SNTG2: variants seen among roughly 807,000 people sequenced by gnomAD.
SNTG2 encodes syntrophin gamma 2.
SNTG2 carries 74 observed loss-of-function variants against 70.9 expected under a neutral mutation model. The observed-to-expected ratio is 1.04, with a 90% confidence interval of 0.86 to 1.27. SNTG2 has a LOEUF of 1.27. SNTG2 is among the 50% of genes most tolerant of loss of function. SNTG2 has a pLI of 0.00. For missense variants in SNTG2, 717 were observed against 690.7 expected (o/e 1.04, Z -0.43); for synonymous variants, 278 against 273.8 (o/e 1.02, Z -0.15).
rs6751090 is a variant in SNTG2 at position 1,209,110 on chromosome 2, C to T, written c.599C>T (p.Ser200Leu). The change falls in exon 9 of 17, where the codon TCG (serine) becomes TTG (leucine). Residue 200 changes from serine (S) to leucine (L), a missense_variant. By Grantham distance (145) the Ser-to-Leu change is moderately radical. Coordinates refer to ENST00000308624, the MANE Select transcript of SNTG2 (RefSeq NM_018968.4). ...CTCCTTTCTTCTGTACAGGCCCCAT[C>T]GTCACCTTCCTCGCCCATAGCTAAG... ...LNGNSSTTAP[S>L]SPSSPIAKDP... 143,415 of 1,613,718 alleles carry T rather than the reference C, an allele frequency of 0.089. 11,772 individuals carry two copies. The highest frequency in any genetic ancestry group is 0.42 in the African/African-American group (31,410 of 74,906).
At chr2:1,218,779 C>A (rs1439797599) in intron 9 of SNTG2, among the ~76,000 whole-genome samples, 1 of 152,206 alleles carries the variant, frequency 6.6e-6, no homozygotes, top group African/African-American at 2.4e-5. Flanking sequence ...TCCTGCTTCA[C>A]CCTCTTGGGG....
At chr2:990,884 T>A (rs530211235) in intron 1 of SNTG2, among the ~76,000 whole-genome samples, 1 of 152,066 alleles carries the variant, frequency 6.6e-6, no homozygotes, top group East Asian at 1.9e-4. Context: ...AATGAGAAAA[T>A]TCACCTTTTA....
chr2:1,137,933 A>C, intron 6 of SNTG2, 124 bp downstream of exon 6: 9 of 986,954 alleles, frequency 9.1e-6, no homozygotes, highest in South Asian at 2.9e-5. Flanking sequence ...AAGAAAGCTC[A>C]AAGGTTTAGT....
intron 14 of SNTG2, among the ~76,000 whole-genome samples, chr2:1,283,173 T>G (rs931444336): frequency 3.3e-5 from 5 of 152,080 alleles, no homozygotes; most frequent in African/African-American, 9.7e-5. Context: ...AACTGTGGCC[T>G]CCTGCTACTG....
intron 1 of SNTG2, among the ~76,000 whole-genome samples, chr2:1,015,887 A>T (rs1659877542): frequency 6.6e-6 from 1 of 152,230 alleles, no homozygotes; most frequent in Admixed American, 6.5e-5. Flanking sequence ...GCAAGACAAA[A>T]GACTTGCAGA....
chr2:1,109,122 GC>G (rs1454606379), intron 4 of SNTG2, among the ~76,000 whole-genome samples: 3 of 152,098 alleles, frequency 2.0e-5, no homozygotes, highest in African/African-American at 7.2e-5. Flanking sequence ...GGTATGGAGA[GC>G]TGGATGCACA....
At chr2:1,235,865 G>A (rs895959169) in intron 9 of SNTG2, among the ~76,000 whole-genome samples, 2 of 152,378 alleles carry the variant, frequency 1.3e-5, no homozygotes, top group East Asian at 3.9e-4. Context: ...TTCTTCTAAA[G>A]TCTGTTTTTG....
chr2:1,255,935 A>AATAT (rs66538518), intron 12 of SNTG2, among the ~76,000 whole-genome samples: 1 of 57,880 alleles, frequency 1.7e-5, no homozygotes, highest in Non-Finnish European at 3.0e-5. Context: ...TAAATATATA[A>AATAT]ATATATATAT....
At chr2:1,011,472 A>G (rs532495363) in intron 1 of SNTG2, among the ~76,000 whole-genome samples, 2 of 152,356 alleles carry the variant, frequency 1.3e-5, no homozygotes, top group East Asian at 3.9e-4. Context: ...TTCAGAAACA[A>G]TCTTTGATGA....
chr2:1,307,128 C>A (rs942593340), intron 14 of SNTG2, among the ~76,000 whole-genome samples: 5 of 136,616 alleles, frequency 3.7e-5, no homozygotes, highest in Admixed American at 7.3e-5. Context: ...GAGCCATGTG[C>A]TCTGTGTGTG....
intron 1 of SNTG2, among the ~76,000 whole-genome samples, chr2:1,045,786 C>CT (rs1255432915): frequency 6.6e-6 from 1 of 152,004 alleles, no homozygotes; most frequent in Non-Finnish European, 1.5e-5. Flanking sequence ...TGAGAATTGC[C>CT]TTAAGGCTGA....
At chr2:1,233,815 G>A (rs1258507758) in intron 9 of SNTG2, among the ~76,000 whole-genome samples, 2 of 151,938 alleles carry the variant, frequency 1.3e-5, no homozygotes, top group Non-Finnish European at 2.9e-5. Context: ...CTGGGAGGAG[G>A]GTAGACTTTT....
chr2:1,289,599 T>C (rs975653972), intron 14 of SNTG2, among the ~76,000 whole-genome samples: 52 of 152,216 alleles, frequency 3.4e-4, no homozygotes, highest in African/African-American at 1.3e-3. Context: ...TACTCAAACC[T>C]GTAGCCATGT....
Position 1,247,438 on chromosome 2 carries a change from C to A in SNTG2, c.1000C>A (p.Pro334Thr). ...CCCGTCCTTCTACGTTTTCAGCACTCCTCCGGTAAGGATGCTTTTGACACT... is the reference window on the plus strand; with the variant it reads ...CCCGTCCTTCTACGTTTTCAGCACTACTCCGGTAAGGATGCTTTTGACACT... ...KGPSFYVFST[P>T]PVSTFDWVRA... The change falls in exon 12 of 17, where the codon CCT becomes ACT. Residue 334 changes from proline to threonine, a missense_variant. Pro to Thr is a conservative substitution (Grantham distance 38). Transcript: ENST00000308624. The A allele has an allele frequency of 7.5e-6, 12 of 1,610,460 alleles. No homozygotes were observed. Among genetic ancestry groups the A allele is most frequent in the Non-Finnish European group, 1.0e-5 (12 of 1,176,756 alleles).
intron 14 of SNTG2, among the ~76,000 whole-genome samples, chr2:1,269,142 G>T (rs1678893185): frequency 6.6e-6 from 1 of 152,148 alleles, no homozygotes; most frequent in African/African-American, 2.4e-5. Flanking sequence ...GTTTATTTAG[G>T]ATTCCTAAAA....
At chr2:1,337,196 G>A (rs754743373) in intron 16 of SNTG2, among the ~76,000 whole-genome samples, 101 of 152,194 alleles carry the variant, frequency 6.6e-4, no homozygotes, top group Non-Finnish European at 1.3e-3. Context: ...TAAATTATTC[G>A]GGTATTGAAC....
intron 13 of SNTG2, among the ~76,000 whole-genome samples, chr2:1,262,631 C>G (rs75378994): frequency 0.022 from 3,026 of 139,024 alleles, 215 homozygotes; most frequent in Non-Finnish European, 0.03. Flanking sequence ...CGAGGAAACC[C>G]AAAGGCTCAG....
intron 1 of SNTG2, among the ~76,000 whole-genome samples, chr2:1,025,577 G>A (rs1032129039): frequency 6.6e-6 from 1 of 152,172 alleles, no homozygotes; most frequent in Admixed American, 6.5e-5. Context: ...TGTTTCCTCT[G>A]GATTCTAGAG....
At chr2:1,154,891 C>T (rs1669753890) in intron 6 of SNTG2, among the ~76,000 whole-genome samples, 1 of 150,382 alleles carries the variant, frequency 6.6e-6, no homozygotes, top group African/African-American at 2.5e-5. Flanking sequence ...ACCACACACA[C>T]AAAGACACAT....
Sources: gnomAD v4.1 joint callset for allele counts (sites outside exome capture counted in the v4.1 genomes callset) on GRCh38, gnomAD v4.1.1 for gene constraint, MANE v1.5 for transcripts, NCBI Gene and HGNC (gene_info 2026-07-23, HGNC 2026-07-21) for gene names.